The following AP3B1 variants were observed in gnomAD, a reference collection of about 807,000 sequenced individuals.
AP3B1 encodes AP-3 complex subunit beta-1.
Under a neutral mutation model 132.5 loss-of-function variants are expected in AP3B1, and 61 were observed. That is an observed-to-expected ratio of 0.46 (90% CI 0.37 to 0.57). The LOEUF is 0.57. AP3B1 is among the 20% of genes least tolerant of loss of function. AP3B1 has a pLI of 0.00. For missense variants in AP3B1, 1,120 were observed against 1,289.4 expected (o/e 0.87, Z 2.01); for synonymous variants, 388 against 438.3 (o/e 0.89, Z 1.43).
chr5:78,110,393 T>C, intron 19 of AP3B1, 39 bp from the exon 20 acceptor site: 1 of 1,489,496 alleles, frequency 6.7e-7, no homozygotes, highest in Non-Finnish European at 9.3e-7. Context: ...GAACTTTAAC[T>C]CCTTTATATA....
At chr5:78,009,347 C>T (rs1746522953) in intron 26 of AP3B1, among the ~76,000 whole-genome samples, 1 of 151,448 alleles carries the variant, frequency 6.6e-6, no homozygotes, top group African/African-American at 2.4e-5. Flanking sequence ...GTAGTCCTAG[C>T]TACTCAGGAG....
At chr5:78,159,109 T>C (rs1460353756) in intron 13 of AP3B1, among the ~76,000 whole-genome samples, 5 of 152,212 alleles carry the variant, frequency 3.3e-5, no homozygotes, top group Admixed American at 6.5e-5. Flanking sequence ...GAAAAATAAA[T>C]GGTTATGTGA....
chr5:78,026,198 T>G (rs1377783344), intron 24 of AP3B1, among the ~76,000 whole-genome samples: 5 of 152,224 alleles, frequency 3.3e-5, no homozygotes, highest in African/African-American at 1.2e-4. Context: ...TGTAAATTTA[T>G]CAGAATTAAC....
intron 21 of AP3B1, among the ~76,000 whole-genome samples, chr5:78,090,127 G>A (rs1431917939): frequency 2.6e-5 from 4 of 152,102 alleles, no homozygotes; most frequent in Non-Finnish European, 4.4e-5. Flanking sequence ...CTGCCTACAA[G>A]ATAAAAGCCC....
chr5:78,195,501 G>A (rs1191739581), intron 7 of AP3B1, among the ~76,000 whole-genome samples: 1 of 152,068 alleles, frequency 6.6e-6, no homozygotes, highest in Non-Finnish European at 1.5e-5. Flanking sequence ...AAAGATAGTC[G>A]TTCAACAAAT....
chr5:78,128,040 A>G lies in AP3B1; in HGVS notation c.1958T>C (p.Val653Ala). 1 of 1,612,918 alleles carries G rather than the reference A, an allele frequency of 6.2e-7. No homozygotes were observed. The highest frequency in any genetic ancestry group is 8.5e-7 in the Non-Finnish European group (1 of 1,179,026). ...APDPSVRNVE[V>A]IELAKEWTPA... Reference sequence around the variant, plus strand: ...GAAAGGTCAACTTACCAACTCTATTACTTCTACATTTCGAACTGATGGGTC... The same window carrying G: ...GAAAGGTCAACTTACCAACTCTATTGCTTCTACATTTCGAACTGATGGGTC... The change falls in exon 17 of 27, where the codon GTA becomes GCA. Residue 653 changes from valine to alanine, a missense_variant. Physicochemically the swap from Val to Ala is moderately conservative, Grantham distance 64. Around this residue, in one of 3 missense-constraint regions of AP3B1, gnomAD observed 906 missense variants for 997.1 expected, o/e 0.91. Coordinates refer to ENST00000255194, the MANE Select transcript of AP3B1 (RefSeq NM_003664.5).
rs138986591 is a variant in AP3B1 at position 78,230,997 on chromosome 5, G to A, written c.280-2758C>T. Among the ~76,000 whole-genome samples the A allele has an allele frequency of 5.5e-3, 840 of 151,912 alleles. 10 individuals are homozygous for A. Among genetic ancestry groups the A allele is most frequent in the African/African-American group, 0.019 (772 of 41,462 alleles). ...TAGCCAGGTGTATTGGCCCATGCCT[G>A]TAATCCCAGCTACTGGGAAGGCTGA... On this transcript the variant is annotated intron_variant, in intron 3 of 26. Transcript: ENST00000255194.
At chr5:78,220,632 T>C (rs144879349) in intron 6 of AP3B1, among the ~76,000 whole-genome samples, 1 of 151,034 alleles carries the variant, frequency 6.6e-6, no homozygotes, top group Non-Finnish European at 1.5e-5. Flanking sequence ...GGGAAAGACT[T>C]GAAAGAGAGG....
At chr5:78,269,514 T>C (rs1748463986) in intron 1 of AP3B1, among the ~76,000 whole-genome samples, 2 of 152,184 alleles carry the variant, frequency 1.3e-5, no homozygotes, top group African/African-American at 4.8e-5. Flanking sequence ...ACCAGTTATA[T>C]ATAAGAACTA....
At chr5:78,270,715 T>A (rs1387885482) in intron 1 of AP3B1, among the ~76,000 whole-genome samples, 2 of 152,206 alleles carry the variant, frequency 1.3e-5, no homozygotes, top group South Asian at 2.1e-4. Flanking sequence ...ATAATAATAA[T>A]GTTTTTGTGC....
chr5:78,209,282 T>C (rs1014771759), intron 7 of AP3B1, among the ~76,000 whole-genome samples: 28 of 152,148 alleles, frequency 1.8e-4, no homozygotes, highest in African/African-American at 6.5e-4. Flanking sequence ...CCAACCAGCA[T>C]TAACATCAAC....
intron 22 of AP3B1, among the ~76,000 whole-genome samples, chr5:78,071,668 T>C (rs920521368): frequency 2.6e-5 from 4 of 152,074 alleles, no homozygotes; most frequent in African/African-American, 9.7e-5. Context: ...ATAGGAAGGG[T>C]TAATTCATTC....
At chr5:78,162,533 A>G (rs768600402) in intron 13 of AP3B1, among the ~76,000 whole-genome samples, 13 of 152,168 alleles carry the variant, frequency 8.5e-5, no homozygotes, top group Non-Finnish European at 1.2e-4. Flanking sequence ...TGGAAAAGAT[A>G]CAATCAAGGT....
intron 21 of AP3B1, among the ~76,000 whole-genome samples, chr5:78,098,223 T>C (rs1580344800): frequency 6.6e-6 from 1 of 151,498 alleles, no homozygotes; most frequent in Middle Eastern, 3.4e-3. Flanking sequence ...CCTCCACTAT[T>C]GTCCTATGAC....
At chr5:78,107,261 T>G (rs1405056868) in intron 20 of AP3B1, among the ~76,000 whole-genome samples, 1 of 152,122 alleles carries the variant, frequency 6.6e-6, no homozygotes, top group African/African-American at 2.4e-5. Context: ...AGATCAAGAT[T>G]AAGAGAAGGC....
At chr5:78,278,703 G>C (rs1748907140) in intron 1 of AP3B1, among the ~76,000 whole-genome samples, 1 of 145,858 alleles carries the variant, frequency 6.9e-6, no homozygotes, top group Non-Finnish European at 1.5e-5. Flanking sequence ...CCAGGCCACA[G>C]AACATTACCC....
chr5:78,282,377 GAAA>G (rs34172654), intron 1 of AP3B1, among the ~76,000 whole-genome samples: 1,540 of 141,576 alleles, frequency 0.011, 23 homozygotes, highest in African/African-American at 0.038. Context: ...ACTGAAAATT[GAAA>G]AAAAAAAAAA....
At chr5:78,112,270 A>G (rs1163830784) in intron 19 of AP3B1, among the ~76,000 whole-genome samples, 1 of 152,180 alleles carries the variant, frequency 6.6e-6, no homozygotes, top group Non-Finnish European at 1.5e-5. Flanking sequence ...CTCAGAGCAC[A>G]TGTAATTATA....
At chr5:78,086,870 A>C (rs963497367) in intron 22 of AP3B1, among the ~76,000 whole-genome samples, 1 of 152,148 alleles carries the variant, frequency 6.6e-6, no homozygotes, top group Admixed American at 6.5e-5. Flanking sequence ...GCAAGATTTT[A>C]ACAGGCTCAA....
Sources: gnomAD v4.1 joint callset for allele counts (sites outside exome capture counted in the v4.1 genomes callset) on GRCh38, gnomAD v4.1.1 for gene constraint, gnomAD v4.1.1 regional missense constraint, MANE v1.5 for transcripts, NCBI Gene and HGNC (gene_info 2026-07-23, HGNC 2026-07-21) for gene names.